Variants in GRID2 observed in about 807,000 individuals in gnomAD.
GRID2 encodes glutamate ionotropic receptor delta type subunit 2, also known as glutamate receptor ionotropic, delta-2.
In GRID2, 33 loss-of-function variants were observed where a neutral mutation model predicts 114.8. The observed-to-expected ratio is 0.29, with a 90% CI of 0.22 to 0.38. The LOEUF (loss-of-function observed/expected upper bound fraction) is 0.38, where lower values mean the gene tolerates loss of function less well. Ranked by LOEUF, GRID2 falls within the 10% of genes least tolerant of loss-of-function variation. The pLI, the probability that GRID2 is intolerant of heterozygous loss-of-function variation, is 1.00. For missense variants in GRID2, 1,184 were observed against 1,257.7 expected (o/e 0.94, Z 0.89); for synonymous variants, 505 against 449.9 (o/e 1.12, Z -1.55).
At chr4:93,457,711 G>A (rs887311475) in intron 11 of GRID2, among the ~76,000 whole-genome samples, 36 of 152,260 alleles carry the variant, frequency 2.4e-4, no homozygotes, top group African/African-American at 7.2e-4. Flanking sequence ...ATAGCGTGGT[G>A]TGGGGGTCAG....
intron 13 of GRID2, among the ~76,000 whole-genome samples, chr4:93,550,712 A>G (rs1232214876): frequency 6.6e-6 from 1 of 152,196 alleles, no homozygotes; most frequent in African/African-American, 2.4e-5. Context: ...ATATATTCCA[A>G]TATGTTGAAT....
intron 2 of GRID2, among the ~76,000 whole-genome samples, chr4:92,710,084 G>A (rs1358540753): frequency 6.6e-6 from 1 of 151,728 alleles, no homozygotes; most frequent in African/African-American, 2.4e-5. Flanking sequence ...TGTTTTATTA[G>A]TTTTAAATGA....
At chr4:93,135,725 C>T (rs995808908) in intron 4 of GRID2, among the ~76,000 whole-genome samples, 1 of 152,120 alleles carries the variant, frequency 6.6e-6, no homozygotes, top group African/African-American at 2.4e-5. Flanking sequence ...TATTTTTGTA[C>T]AGTGGCATCA....
chr4:93,530,729 G>C (rs1292126878), intron 13 of GRID2, among the ~76,000 whole-genome samples: 1 of 152,042 alleles, frequency 6.6e-6, no homozygotes, highest in East Asian at 1.9e-4. Context: ...ACACATACCT[G>C]ATTCATCAGT....
intron 4 of GRID2, among the ~76,000 whole-genome samples, chr4:93,136,407 G>A (rs1022288229): frequency 6.6e-6 from 1 of 151,976 alleles, no homozygotes; most frequent in Non-Finnish European, 1.5e-5. Flanking sequence ...AGCTTCTGAG[G>A]AACATATATC....
At chr4:92,754,065 C>T (rs1737590900) in intron 2 of GRID2, among the ~76,000 whole-genome samples, 1 of 152,168 alleles carries the variant, frequency 6.6e-6, no homozygotes, top group African/African-American at 2.4e-5. Context: ...TAATGCATAA[C>T]CTGTCACTGA....
chr4:93,000,179 T>C (rs1019985825), intron 2 of GRID2, among the ~76,000 whole-genome samples: 34 of 151,844 alleles, frequency 2.2e-4, no homozygotes, highest in African/African-American at 7.7e-4. Flanking sequence ...CAGTAACTAT[T>C]TAATTTACTA....
intron 8 of GRID2, among the ~76,000 whole-genome samples, chr4:93,313,174 A>G (rs1756209010): frequency 6.6e-6 from 1 of 152,168 alleles, no homozygotes; most frequent in Non-Finnish European, 1.5e-5. Context: ...AATCTGCAGG[A>G]AAAAGGGACA....
intron 14 of GRID2, among the ~76,000 whole-genome samples, chr4:93,646,728 G>C (rs1253497359): frequency 6.6e-6 from 1 of 152,080 alleles, no homozygotes; most frequent in African/African-American, 2.4e-5. Context: ...CTCAGTCTAG[G>C]GTGGTGTAAT....
At chr4:92,485,286 T>C (rs1375703172) in intron 1 of GRID2, among the ~76,000 whole-genome samples, 1 of 114,636 alleles carries the variant, frequency 8.7e-6, no homozygotes, top group Non-Finnish European at 1.8e-5. Flanking sequence ...TTATATATAA[T>C]AAATAAGGTG....
At chr4:93,207,838 C>T (rs1415222392) in intron 5 of GRID2, among the ~76,000 whole-genome samples, 1 of 151,850 alleles carries the variant, frequency 6.6e-6, no homozygotes, top group African/African-American at 2.4e-5. Context: ...TGTCCACCCT[C>T]CTTACATGAG....
intron 1 of GRID2, among the ~76,000 whole-genome samples, chr4:92,373,346 C>T (rs1251773551): frequency 1.3e-5 from 2 of 152,172 alleles, no homozygotes; most frequent in Non-Finnish European, 2.9e-5. Context: ...CCAGATCCAT[C>T]ATAGCAAGGA....
intron 1 of GRID2, among the ~76,000 whole-genome samples, chr4:92,428,166 G>A (rs1205362397): frequency 6.6e-6 from 1 of 152,052 alleles, no homozygotes; most frequent in Non-Finnish European, 1.5e-5. Context: ...GGAGGCTGAG[G>A]CAGGAGAATG....
At chr4:92,505,144 C>T (rs542177583) in intron 1 of GRID2, among the ~76,000 whole-genome samples, 65 of 152,052 alleles carry the variant, frequency 4.3e-4, no homozygotes, top group African/African-American at 5.8e-4. Flanking sequence ...CCTCATAAAA[C>T]GCAGTGTCAT....
Position 92,779,049 on chromosome 4 carries a change from A to G in GRID2, c.244+188763A>G, listed in dbSNP as rs554237033. On this transcript the variant is annotated intron_variant, in intron 2 of 15. Transcript: ENST00000282020. ...ATTTTCATTCTATCATATGTATGAA[A>G]TGTAAGGCAATATCAAAAATTAAAA... Among the ~76,000 whole-genome samples, 39 of 152,238 alleles carry G rather than the reference A, an allele frequency of 2.6e-4. No homozygotes were observed. The South Asian group carries it at 8.1e-3, about 32-fold the overall frequency.
intron 2 of GRID2, among the ~76,000 whole-genome samples, chr4:93,073,830 A>G (rs1284545364): frequency 6.6e-6 from 1 of 152,158 alleles, no homozygotes; most frequent in Non-Finnish European, 1.5e-5. Context: ...ATCACAAATG[A>G]AAGGTGGTGT....
intron 4 of GRID2, among the ~76,000 whole-genome samples, chr4:93,196,344 G>A (rs141440021): frequency 2.0e-5 from 3 of 152,216 alleles, no homozygotes; most frequent in Admixed American, 6.5e-5. Flanking sequence ...AAGTAGCTTA[G>A]GAAGACGGAC....
rs114110406 is a variant in GRID2 at position 92,432,068 on chromosome 4, C to T, written c.88+127324C>T. Reference sequence around the variant, plus strand: ...GGTTTACCAGGCGGGGAATCTTGTTCTTTTCCCTTACTTTCCCCTCAACAA... The same window carrying T: ...GGTTTACCAGGCGGGGAATCTTGTTTTTTTCCCTTACTTTCCCCTCAACAA... On this transcript the variant is annotated intron_variant, in intron 1 of 15. Transcript: ENST00000282020. Among the ~76,000 whole-genome samples, 1,119 of 152,286 alleles carry T rather than the reference C, an allele frequency of 7.3e-3. 18 individuals carry two copies. The highest frequency in any genetic ancestry group is 0.026 in the African/African-American group (1,066 of 41,572).
intron 1 of GRID2, among the ~76,000 whole-genome samples, chr4:92,461,244 T>C (rs1416871300): frequency 6.6e-6 from 1 of 151,988 alleles, no homozygotes; most frequent in Non-Finnish European, 1.5e-5. Flanking sequence ...GGTAAGTCCT[T>C]AGTTAACATC....
Sources: gnomAD v4.1 joint callset for allele counts (sites outside exome capture counted in the v4.1 genomes callset) on GRCh38, gnomAD v4.1.1 for gene constraint, MANE v1.5 for transcripts, NCBI Gene and HGNC (gene_info 2026-07-23, HGNC 2026-07-21) for gene names.